The following DCP1A variants were observed in gnomAD, a reference collection of about 807,000 sequenced individuals.
DCP1A encodes decapping mRNA 1A.
DCP1A carries 20 observed loss-of-function variants against 58.0 expected under a neutral mutation model. That is an observed-to-expected ratio of 0.34 (90% CI 0.24 to 0.50). The LOEUF is 0.50. Among genes scored for constraint, DCP1A ranks in the 20% least tolerant of loss-of-function variants. DCP1A has a pLI of 0.98. For missense variants in DCP1A, 613 were observed against 712.2 expected (o/e 0.86, Z 1.59); for synonymous variants, 285 against 275.1 (o/e 1.04, Z -0.36).
At chr3:53,347,326 C>G in intron 1 of DCP1A, 57 bp downstream of exon 1, 1 of 1,460,704 alleles carries the variant, frequency 6.8e-7, no homozygotes, top group Non-Finnish European at 9.0e-7. Flanking sequence ...ACCCGCGCGG[C>G]CCCTTTAAGA....
In DCP1A at chr3:53,346,114, T is replaced by C. The variant is rs1439840980; in HGVS notation, c.136-1172A>G. 2.6e-5 allele frequency among the ~76,000 whole-genome samples: 4 copies of C among 152,134 alleles called. No homozygotes were observed. In the East Asian group the frequency reaches 7.7e-4, roughly 29 times the overall value. On this transcript the variant is annotated intron_variant, in intron 1 of 9. Transcript: ENST00000610213. Reference sequence around the variant, plus strand: ...AAACTCTAGCCCCAAGTCTTCACCATTTGTCGGCAATCCATATTTCAAAAT... The same window carrying C: ...AAACTCTAGCCCCAAGTCTTCACCACTTGTCGGCAATCCATATTTCAAAAT...
At chr3:53,295,945 T>C (rs575234442) in intron 6 of DCP1A, among the ~76,000 whole-genome samples, 16 of 150,514 alleles carry the variant, frequency 1.1e-4, no homozygotes, top group African/African-American at 3.7e-4. Context: ...CAGGCTCAAG[T>C]GCGGTGGCGT....
intron 2 of DCP1A, among the ~76,000 whole-genome samples, chr3:53,344,417 A>C (rs926401335): frequency 3.9e-5 from 6 of 152,232 alleles, no homozygotes; most frequent in Non-Finnish European, 8.8e-5. Context: ...CAAGCTTTCT[A>C]AAGAACTCTC....
chr3:53,314,210 T>A (rs1359143711), intron 4 of DCP1A, among the ~76,000 whole-genome samples: 1 of 152,130 alleles, frequency 6.6e-6, no homozygotes, highest in Non-Finnish European at 1.5e-5. Flanking sequence ...TTTTTAAGCA[T>A]GCTAAAATTT....
In DCP1A at chr3:53,285,841, C is replaced by G. The variant is rs1221317449; in HGVS notation, c.*1739G>C. The G allele has an allele frequency of 2.6e-5, 4 of 152,186 alleles. No homozygotes were observed. Among genetic ancestry groups the G allele is most frequent in the Non-Finnish European group, 1.5e-5 (1 of 68,036 alleles). 9.4% of individuals were successfully genotyped at this position (152,186 alleles called of 1,614,324 possible). A position where few individuals can be genotyped will look rare whatever the true frequency, so the allele number is the denominator to read the frequency against. ...AGCAACACTCTGTATCCCACTATAGCTTTCTCGTTCCCAGATGATGCATAA... is the reference window on the plus strand; with the variant it reads ...AGCAACACTCTGTATCCCACTATAGGTTTCTCGTTCCCAGATGATGCATAA... On this transcript the variant is annotated 3_prime_UTR_variant, in exon 10 of 10. Coordinates refer to ENST00000610213, the MANE Select transcript of DCP1A (RefSeq NM_018403.7).
rs187651662 is a variant in DCP1A, at chr3:53,347,242, G to A, written c.135+141C>T. 8.7e-4 allele frequency: 924 copies of A among 1,059,470 alleles called. 11 individuals carry two copies. The Admixed American group carries it at 0.025, about 28-fold the overall frequency. 65.6% of individuals were successfully genotyped at this position (1,059,470 alleles called of 1,614,324 possible). A position where few individuals can be genotyped will look rare whatever the true frequency, so the allele number is the denominator to read the frequency against. ...CGGACCCGACACCCCTCAGGCTCTG[G>A]CTAGGCTCTTGGCCAGACCCTGGCC... On this transcript the variant is annotated intron_variant, in intron 1 of 9. Coordinates refer to ENST00000610213, the MANE Select transcript of DCP1A (RefSeq NM_018403.7).
chr3:53,331,067 C>T (rs1350274411), intron 3 of DCP1A, among the ~76,000 whole-genome samples: 1 of 152,144 alleles, frequency 6.6e-6, no homozygotes, highest in African/African-American at 2.4e-5. Context: ...CCATGTTGGT[C>T]AGGCTGGTCT....
At chr3:53,294,322 G>C (rs1314802526) in intron 6 of DCP1A, among the ~76,000 whole-genome samples, 4 of 152,312 alleles carry the variant, frequency 2.6e-5, no homozygotes, top group Admixed American at 2.0e-4. Flanking sequence ...ACTGGAGTTG[G>C]AATGGAAGGA....
At chr3:53,323,690 C>T (rs896463177) in intron 3 of DCP1A, among the ~76,000 whole-genome samples, 3 of 151,834 alleles carry the variant, frequency 2.0e-5, no homozygotes, top group East Asian at 1.9e-4. Flanking sequence ...GGTGAAATCC[C>T]GTCTCTACTA....
chr3:53,293,173 T>C (rs1379844896), intron 6 of DCP1A, among the ~76,000 whole-genome samples: 1 of 152,102 alleles, frequency 6.6e-6, no homozygotes, highest in Non-Finnish European at 1.5e-5. Context: ...AGGGACCAAA[T>C]GCTAATCAGG....
chr3:53,294,673 A>C (rs17307289), intron 6 of DCP1A, among the ~76,000 whole-genome samples: 66,033 of 152,162 alleles, frequency 0.43, 14,982 homozygotes, highest in African/African-American at 0.54. Context: ...GGGCCTGAAG[A>C]TGACTGCCGC....
chr3:53,303,369 C>A (rs548614794), intron 6 of DCP1A, among the ~76,000 whole-genome samples: 1 of 152,270 alleles, frequency 6.6e-6, no homozygotes, highest in African/African-American at 2.4e-5. Context: ...AGGGTTCAAG[C>A]CATTCTGGTG....
At chr3:53,323,206 T>G (rs1270266005) in intron 3 of DCP1A, among the ~76,000 whole-genome samples, 1 of 152,190 alleles carries the variant, frequency 6.6e-6, no homozygotes, top group Non-Finnish European at 1.5e-5. Context: ...CAAACTCCAA[T>G]GAATAACAAG....
At chr3:53,299,720 C>T (rs1396061686) in intron 6 of DCP1A, among the ~76,000 whole-genome samples, 1 of 152,222 alleles carries the variant, frequency 6.6e-6, no homozygotes, top group Non-Finnish European at 1.5e-5. Flanking sequence ...TGCTCCTCAG[C>T]ACTAGATGGC....
At chr3:53,326,891 T>C (rs561746114) in intron 3 of DCP1A, among the ~76,000 whole-genome samples, 1 of 152,144 alleles carries the variant, frequency 6.6e-6, no homozygotes, top group Non-Finnish European at 1.5e-5. Context: ...AAAATGGTCT[T>C]CCACAAAGCC....
At chr3:53,320,567 T>C (rs1553689794) in intron 3 of DCP1A, among the ~76,000 whole-genome samples, 1 of 152,198 alleles carries the variant, frequency 6.6e-6, no homozygotes, top group African/African-American at 2.4e-5. Context: ...ACATTAAAAC[T>C]TTTTATTTTG....
intron 3 of DCP1A, among the ~76,000 whole-genome samples, chr3:53,334,430 C>T (rs1553691680): frequency 1.3e-5 from 2 of 151,414 alleles, no homozygotes; most frequent in African/African-American, 4.9e-5. Context: ...TTTCTTTTTC[C>T]CATGGTTTCT....
chr3:53,326,633 C>T (rs1039841655), intron 3 of DCP1A, among the ~76,000 whole-genome samples: 5 of 152,172 alleles, frequency 3.3e-5, no homozygotes, highest in Non-Finnish European at 5.9e-5. Flanking sequence ...ACTGCACATA[C>T]GAGGGATCTA....
chr3:53,292,804 A>G lies in DCP1A; in HGVS notation c.648T>C (p.His216=). ...TTCCAAATAACTCTTCTACCGTCAG[A>G]TGCTTGTGTCCAGATGGAGCAGACT... ...QDKSAPSGHK[H]LTVEELFGTS... The change falls in exon 7 of 10, where the codon CAT becomes CAC. Residue 216 remains histidine (H), a synonymous_variant. Transcript: ENST00000610213. 6.2e-7 allele frequency: 1 copy of G among 1,609,088 alleles called. No individual in the cohort carries two copies. The highest frequency in any genetic ancestry group is 8.5e-7 in the Non-Finnish European group (1 of 1,179,752).
Sources: allele counts gnomAD v4.1 joint callset (sites outside exome capture counted in the v4.1 genomes callset), GRCh38; gene constraint gnomAD v4.1.1; transcripts MANE v1.5; gene names NCBI Gene and HGNC (gene_info 2026-07-23, HGNC 2026-07-21).